Variants in CUX2 observed in about 807,000 individuals in gnomAD.
CUX2 encodes cut like homeobox 2.
In CUX2, 40 loss-of-function variants were observed where a neutral mutation model predicts 144.8. The observed-to-expected ratio is 0.28, with a 90% CI of 0.21 to 0.36. CUX2 has a LOEUF of 0.36. Among genes scored for constraint, CUX2 ranks in the 10% least tolerant of loss-of-function variants. The pLI is 1.00. For missense variants in CUX2, 1,615 were observed against 1,994.0 expected (o/e 0.81, Z 3.62); for synonymous variants, 827 against 875.6 (o/e 0.94, Z 0.98).
intron 1 of CUX2, 26 bp from the exon 2 acceptor site, chr12:111,214,173 CT>C (rs373389929): frequency 0.24 from 233,598 of 976,352 alleles, 1,000 homozygotes; most frequent in Non-Finnish European, 0.26. Context: ...CTCTCTCTCT[CT>C]TTTTTTTTTT....
At chr12:111,273,879 GA>G (rs1464223313) in intron 4 of CUX2, among the ~76,000 whole-genome samples, 1 of 152,160 alleles carries the variant, frequency 6.6e-6, no homozygotes, top group East Asian at 1.9e-4. Flanking sequence ...GAGCAACAGA[GA>G]ACACTAAACA....
chr12:111,309,395 C>T (rs1187144500), intron 14 of CUX2, among the ~76,000 whole-genome samples: 2 of 152,192 alleles, frequency 1.3e-5, no homozygotes, highest in East Asian at 1.9e-4. Context: ...CCACCCCAGG[C>T]CAAGGTGCTG....
chr12:111,140,439 C>T (rs1592933173), intron 1 of CUX2, among the ~76,000 whole-genome samples: 1 of 152,134 alleles, frequency 6.6e-6, no homozygotes, highest in South Asian at 2.1e-4. Context: ...AATTGAGCAC[C>T]CCCTCTTGAT....
intron 1 of CUX2, among the ~76,000 whole-genome samples, chr12:111,109,425 A>G (rs549540363): frequency 6.6e-6 from 1 of 152,130 alleles, no homozygotes; most frequent in African/African-American, 2.4e-5. Context: ...GTCTTAATCC[A>G]TTTCAGTTAC....
At chr12:111,142,780 T>C (rs1230618202) in intron 1 of CUX2, among the ~76,000 whole-genome samples, 1 of 152,156 alleles carries the variant, frequency 6.6e-6, no homozygotes, top group Admixed American at 6.5e-5. Flanking sequence ...GGTGAATTTC[T>C]AGCTGATGAC....
Position 111,289,946 on chromosome 12 carries a change from G to A in CUX2, c.302-1472G>A, listed in dbSNP as rs1044128056. Reference sequence around the variant, plus strand: ...ACAGAAGTGCTGGCCGAGGCCATGGGGGAGTCATCACTCCAAAGTCAGTCC... The same window carrying A: ...ACAGAAGTGCTGGCCGAGGCCATGGAGGAGTCATCACTCCAAAGTCAGTCC... On this transcript the variant is annotated intron_variant, in intron 4 of 21. Coordinates refer to ENST00000261726, the MANE Select transcript of CUX2 (RefSeq NM_015267.4). The surrounding 1 kb of genome is among the most constrained non-coding windows in gnomAD (Gnocchi z 4.1). Among the ~76,000 whole-genome samples the A allele has an allele frequency of 1.3e-5, 2 of 152,176 alleles. No individual in the cohort carries two copies. The highest frequency in any genetic ancestry group is 4.8e-5 in the African/African-American group (2 of 41,438).
chr12:111,087,215 A>C lies in CUX2; in HGVS notation c.63+52975A>C, dbSNP rs562641584. Among the ~76,000 whole-genome samples the C allele has an allele frequency of 8.2e-4, 124 of 151,720 alleles. 1 individual carries two copies. The highest frequency in any genetic ancestry group is 2.8e-3 in the Admixed American group (42 of 15,268). On this transcript the variant is annotated intron_variant, in intron 1 of 21. Transcript: ENST00000261726. ...TACCAAAAATAAACACACACACACA[A>C]AAATTAGCTGGGCGTGGTGGCGGGC...
In CUX2 at chr12:111,048,756, C is replaced by A. The variant is rs145995294; in HGVS notation, c.63+14516C>A. Reference sequence around the variant, plus strand: ...CGGGCCACATGCAGGTATTCTGTCCCAGGGGGTCGTGTGCTGACTTTCATA... The same window carrying A: ...CGGGCCACATGCAGGTATTCTGTCCAAGGGGGTCGTGTGCTGACTTTCATA... On this transcript the variant is annotated intron_variant, in intron 1 of 21. Transcript: ENST00000261726. Among the ~76,000 whole-genome samples the A allele has an allele frequency of 2.0e-3, 311 of 152,264 alleles. 1 individual carries two copies. Among genetic ancestry groups the A allele is most frequent in the Middle Eastern group, 6.8e-3 (2 of 294 alleles).
In CUX2 at chr12:111,292,413, A is replaced by G. The variant is rs542882949; in HGVS notation, c.436+861A>G. ...CAGACCAGCCTGACCAATATGGTGA[A>G]ACCCTGTCTCTACTAAAAATACAAA... is the stretch of plus-strand genomic sequence containing the variant. On this transcript the variant is annotated intron_variant, in intron 5 of 21. Coordinates refer to ENST00000261726, the MANE Select transcript of CUX2 (RefSeq NM_015267.4). Among the ~76,000 whole-genome samples the G allele has an allele frequency of 2.5e-4, 36 of 145,614 alleles. No homozygotes were observed. The South Asian group carries it at 5.4e-3, about 22-fold the overall frequency.
chr12:111,252,079 G>A (rs1268616384), intron 3 of CUX2, among the ~76,000 whole-genome samples: 4 of 152,092 alleles, frequency 2.6e-5, no homozygotes, highest in African/African-American at 9.7e-5. Flanking sequence ...CCAACTACTT[G>A]TGAGGCTGAG....
chr12:111,187,840 G>C (rs766921059), intron 1 of CUX2, among the ~76,000 whole-genome samples: 7 of 152,232 alleles, frequency 4.6e-5, no homozygotes, highest in Non-Finnish European at 1.5e-5. Context: ...TGATGGGGCT[G>C]AGAATGGGCC....
At chr12:111,316,173 C>A (rs950878495) in intron 16 of CUX2, among the ~76,000 whole-genome samples, 1 of 138,552 alleles carries the variant, frequency 7.2e-6, no homozygotes, top group Non-Finnish European at 1.5e-5. Context: ...CAGAGTTGTG[C>A]TCTTGTTGCC....
chr12:111,279,194 A>G, intron 4 of CUX2, among the ~76,000 whole-genome samples: 1 of 152,254 alleles, frequency 6.6e-6, no homozygotes, highest in South Asian at 2.1e-4. Context: ...GTGCCTAGGA[A>G]CTGTCAGGTC....
chr12:111,185,773 TC>T (rs1178090029), intron 1 of CUX2, among the ~76,000 whole-genome samples: 2 of 152,078 alleles, frequency 1.3e-5, no homozygotes, highest in Admixed American at 1.3e-4. Flanking sequence ...TGAGGCCCAG[TC>T]CCAGCTCAGC....
intron 1 of CUX2, among the ~76,000 whole-genome samples, chr12:111,157,873 C>A (rs1204296435): frequency 6.6e-6 from 1 of 152,204 alleles, no homozygotes; most frequent in Admixed American, 6.5e-5. Context: ...GAGGAATGTT[C>A]ACTGGCCATT....
At chr12:111,253,490 C>T (rs988711730) in intron 3 of CUX2, among the ~76,000 whole-genome samples, 4 of 152,216 alleles carry the variant, frequency 2.6e-5, no homozygotes, top group Admixed American at 1.3e-4. Context: ...TGTGGCCCCA[C>T]ATGCCCTGCC....
chr12:111,094,977 C>T (rs982093078), intron 1 of CUX2, among the ~76,000 whole-genome samples: 4 of 152,206 alleles, frequency 2.6e-5, no homozygotes, highest in African/African-American at 9.6e-5. Context: ...TGGCCCCCTA[C>T]CTGGCTGTCA....
chr12:111,123,221 C>T (rs1437002994), intron 1 of CUX2, among the ~76,000 whole-genome samples: 10 of 151,926 alleles, frequency 6.6e-5, no homozygotes, highest in Admixed American at 3.9e-4. Flanking sequence ...CTCCCTCTGT[C>T]GCCCAGGCTG....
intron 1 of CUX2, among the ~76,000 whole-genome samples, chr12:111,125,179 AATT>A (rs1208079421): frequency 3.5e-5 from 5 of 143,024 alleles, no homozygotes; most frequent in African/African-American, 1.5e-4. Context: ...CCTATTCTGG[AATT>A]TTTTTTTTTT....
Sources: gnomAD v4.1 joint callset for allele counts (sites outside exome capture counted in the v4.1 genomes callset) on GRCh38, gnomAD v4.1.1 for gene constraint, Gnocchi (gnomAD v3.1) non-coding constraint, MANE v1.5 for transcripts, NCBI Gene and HGNC (gene_info 2026-07-23, HGNC 2026-07-21) for gene names.